GRID2: variants seen among roughly 807,000 people sequenced by gnomAD.
The protein encoded by GRID2 is glutamate receptor ionotropic, delta-2.
Under a neutral mutation model 114.8 loss-of-function variants are expected in GRID2, and 33 were observed. The observed-to-expected ratio is 0.29, with a 90% CI of 0.22 to 0.38. GRID2 has a LOEUF of 0.38. Ranked by LOEUF, GRID2 falls within the 10% of genes least tolerant of loss-of-function variation. The pLI, the probability that GRID2 is intolerant of heterozygous loss-of-function variation, is 1.00. For missense variants in GRID2, 1,184 were observed against 1,257.7 expected, an observed-to-expected ratio of 0.94 and a Z score of 0.89; for synonymous variants, 505 against 449.9, an observed-to-expected ratio of 1.12 and a Z score of -1.55.
chr4:92,903,376 T>G (rs1303718306), intron 2 of GRID2, among the ~76,000 whole-genome samples: 1 of 151,986 alleles, frequency 6.6e-6, no homozygotes, highest in Non-Finnish European at 1.5e-5. Flanking sequence ...TGCTCCTAGA[T>G]TTTCCATAAC....
intron 4 of GRID2, among the ~76,000 whole-genome samples, chr4:93,134,951 T>C (rs777371248): frequency 2.6e-5 from 4 of 152,138 alleles, no homozygotes; most frequent in Non-Finnish European, 4.4e-5. Context: ...GTGCTCTCTC[T>C]GAAAATAAAA....
intron 2 of GRID2, among the ~76,000 whole-genome samples, chr4:92,628,206 G>T (rs1179789184): frequency 1.3e-5 from 2 of 152,122 alleles, no homozygotes; most frequent in Non-Finnish European, 1.5e-5. Context: ...AGGAGAAGGT[G>T]CCTGTTTCCT....
chr4:93,638,324 A>G, intron 14 of GRID2, among the ~76,000 whole-genome samples: 1 of 26,738 alleles, frequency 3.7e-5, no homozygotes, highest in East Asian at 3.7e-4. Flanking sequence ...TTTTTTAATT[A>G]TACTCTAAGT....
At chr4:93,670,869 G>A (rs188765263) in intron 14 of GRID2, among the ~76,000 whole-genome samples, 1 of 152,310 alleles carries the variant, frequency 6.6e-6, no homozygotes, top group African/African-American at 2.4e-5. Context: ...AAACAAATTA[G>A]CAAGAATCTG....
At chr4:93,164,837 C>CT in intron 4 of GRID2, 1 of 343,700 alleles carries the variant, frequency 2.9e-6, no homozygotes, top group East Asian at 7.5e-5. Context: ...ATAAAGTAAG[C>CT]TTTGACTACT....
chr4:92,626,630 G>C (rs947706152), intron 2 of GRID2, among the ~76,000 whole-genome samples: 1 of 152,008 alleles, frequency 6.6e-6, no homozygotes, highest in Non-Finnish European at 1.5e-5. Context: ...AATAAACCTA[G>C]ATTAAGTTTA....
chr4:93,540,207 T>G (rs766292956), intron 13 of GRID2, among the ~76,000 whole-genome samples: 9 of 152,076 alleles, frequency 5.9e-5, no homozygotes, highest in Non-Finnish European at 1.3e-4. Flanking sequence ...TGTTGTATTT[T>G]CTTTAGAATT....
chr4:92,801,166 G>A (rs763603070), intron 2 of GRID2, among the ~76,000 whole-genome samples: 2 of 151,910 alleles, frequency 1.3e-5, no homozygotes, highest in Non-Finnish European at 2.9e-5. Context: ...TCTGAGAAGA[G>A]CCCCTGAGAA....
intron 2 of GRID2, among the ~76,000 whole-genome samples, chr4:92,919,952 T>G (rs1749166671): frequency 6.6e-6 from 1 of 152,192 alleles, no homozygotes; most frequent in African/African-American, 2.4e-5. Flanking sequence ...AGTGGGGTGT[T>G]AAAGTCTTCC....
At chr4:92,805,485 T>C (rs1166463816) in intron 2 of GRID2, among the ~76,000 whole-genome samples, 1 of 152,010 alleles carries the variant, frequency 6.6e-6, no homozygotes, top group Non-Finnish European at 1.5e-5. Flanking sequence ...TTTCTTTCAT[T>C]TGAGGTACTT....
chr4:93,054,843 A>G (rs1727072832), intron 2 of GRID2, among the ~76,000 whole-genome samples: 1 of 151,698 alleles, frequency 6.6e-6, no homozygotes, highest in Admixed American at 6.6e-5. Flanking sequence ...GAAAATAACA[A>G]GTTTAAAAAT....
intron 13 of GRID2, among the ~76,000 whole-genome samples, chr4:93,548,101 C>T (rs545540213): frequency 2.4e-4 from 37 of 151,982 alleles, no homozygotes; most frequent in Non-Finnish European, 4.1e-4. Context: ...CACTTCAACC[C>T]GGGAGACGGA....
At chr4:93,174,103 A>G (rs1248165392) in intron 4 of GRID2, among the ~76,000 whole-genome samples, 1 of 152,222 alleles carries the variant, frequency 6.6e-6, no homozygotes, top group Non-Finnish European at 1.5e-5. Flanking sequence ...CATCGAGCTT[A>G]TTCAGATTTC....
chr4:92,895,384 CATATATAT>C lies in GRID2; in HGVS notation c.245-189597_245-189590del, dbSNP rs10528035. Among the ~76,000 whole-genome samples the C allele has an allele frequency of 4.5e-3, 490 of 108,158 alleles. 29 individuals carry two copies. Among genetic ancestry groups the C allele is most frequent in the African/African-American group, 0.022 (441 of 20,168 alleles). 71.0% of individuals were successfully genotyped at this position (108,158 alleles called of 152,430 possible). A position where few individuals can be genotyped will look rare whatever the true frequency, so the allele number is the denominator to read the frequency against. On this transcript the variant is annotated intron_variant, in intron 2 of 15. Transcript: ENST00000282020. ...TTGAATTGACACATCATGTAGAAAACATATATATATATATATATATAAACTGAAAGATG... is the reference window on the plus strand; with the variant it reads ...TTGAATTGACACATCATGTAGAAAACATATATATATATAAACTGAAAGATG...
rs1208804001 is a variant in GRID2 at position 93,593,250 on chromosome 4, G to T, written c.2194-33019G>T. On this transcript the variant is annotated intron_variant, in intron 13 of 15. Coordinates refer to ENST00000282020, the MANE Select transcript of GRID2 (RefSeq NM_001510.4). ...CAGGAGCTCTTTTAGGGCAGGCCTGGTGGTGACAAAATCTTTCAGCATTTG... is the reference window on the plus strand; with the variant it reads ...CAGGAGCTCTTTTAGGGCAGGCCTGTTGGTGACAAAATCTTTCAGCATTTG... Among the ~76,000 whole-genome samples the T allele has an allele frequency of 8.9e-5, 13 of 145,504 alleles. No homozygotes were observed. In the East Asian group the frequency reaches 1.8e-3, roughly 20 times the overall value.
intron 14 of GRID2, among the ~76,000 whole-genome samples, chr4:93,760,674 A>G (rs1207203939): frequency 1.3e-5 from 2 of 152,210 alleles, no homozygotes; most frequent in African/African-American, 2.4e-5. Flanking sequence ...GTAATTCTTT[A>G]CCAATTCTAA....
rs1243556183 is a variant in GRID2 at position 92,359,088 on chromosome 4, A to T, written c.88+54344A>T. Among the ~76,000 whole-genome samples the T allele has an allele frequency of 3.3e-5, 5 of 152,092 alleles. No individual in the cohort carries two copies. The East Asian group carries it at 7.8e-4, about 24-fold the overall frequency. On this transcript the variant is annotated intron_variant, in intron 1 of 15. Coordinates refer to ENST00000282020, the MANE Select transcript of GRID2 (RefSeq NM_001510.4). Reference sequence around the variant, plus strand: ...AATTTTTTAGTAGAGGAAAGCTGATATCCTGTTTGGTTGGCCTTAACTAAC... The same window carrying T: ...AATTTTTTAGTAGAGGAAAGCTGATTTCCTGTTTGGTTGGCCTTAACTAAC...
chr4:92,983,965 T>A (rs1489857207), intron 2 of GRID2, among the ~76,000 whole-genome samples: 1 of 152,192 alleles, frequency 6.6e-6, no homozygotes, highest in African/African-American at 2.4e-5. Flanking sequence ...TGGGATTTTG[T>A]GCCGATAACT....
chr4:93,277,351 G>A (rs1349810571), intron 8 of GRID2, among the ~76,000 whole-genome samples: 2 of 151,770 alleles, frequency 1.3e-5, no homozygotes, highest in Non-Finnish European at 2.9e-5. Flanking sequence ...TTAACAGTTC[G>A]CATACTTTAT....
Sources: allele counts gnomAD v4.1 joint callset (sites outside exome capture counted in the v4.1 genomes callset), GRCh38; gene constraint gnomAD v4.1.1; transcripts MANE v1.5; gene names NCBI Gene and HGNC (gene_info 2026-07-23, HGNC 2026-07-21).